Variants in LRCH2 observed in about 807,000 individuals in gnomAD.
LRCH2 encodes leucine-rich repeat and calponin homology domain-containing protein 2.
A neutral mutation model predicts 68.9 loss-of-function variants in LRCH2; 38 were observed. The observed-to-expected ratio is 0.55, with a 90% CI of 0.43 to 0.72. The LOEUF (loss-of-function observed/expected upper bound fraction) is 0.72. Ranked by LOEUF, LRCH2 falls within the 30% of genes least tolerant of loss-of-function variation. The pLI is 0.00. For missense variants in LRCH2, 528 were observed against 572.9 expected, an observed-to-expected ratio of 0.92 and a Z score of 0.80; for synonymous variants, 191 against 208.1, an observed-to-expected ratio of 0.92 and a Z score of 0.71.
chrX:115,165,623 T>C lies in LRCH2; in HGVS notation c.1231A>G (p.Thr411Ala). 8.6e-7 allele frequency: 1 copy of C among 1,167,737 alleles called. No homozygotes were observed. Among genetic ancestry groups the C allele is most frequent in the South Asian group, 1.9e-5 (1 of 52,205 alleles). Residue 411 changes from threonine to alanine, a missense_variant, in exon 9 of 21, where the codon ACA becomes GCA. Coordinates refer to ENST00000317135, the MANE Select transcript of LRCH2 (RefSeq NM_020871.4). ...QEVYDFVDPNTEDVAVPEQGN... is the reference protein window; with the variant it reads ...QEVYDFVDPNAEDVAVPEQGN... Reference sequence around the variant, plus strand: ...TGTTCAGGAACTGCTACATCTTCTGTGTTGGGGTCAACAAAATCATATACC... The same window carrying C: ...TGTTCAGGAACTGCTACATCTTCTGCGTTGGGGTCAACAAAATCATATACC...
chrX:115,197,755 TTCTC>T (rs782244834), intron 1 of LRCH2, among the ~76,000 whole-genome samples: 2 of 61,919 alleles, frequency 3.2e-5, no homozygotes, highest in African/African-American at 6.2e-5. Context: ...CTCTCTCTCT[TTCTC>T]TCTCTCTCTC....
At chrX:115,115,897 T>C (rs1575119) in intron 20 of LRCH2, among the ~76,000 whole-genome samples, 8,556 of 109,485 alleles carry the variant, frequency 0.078, 310 homozygotes, top group Non-Finnish European at 0.11. Context: ...AGGGTTTCAA[T>C]AGACATTACT....
intron 1 of LRCH2, among the ~76,000 whole-genome samples, chrX:115,196,445 G>A (rs2072888049): frequency 9.0e-6 from 1 of 111,074 alleles, no homozygotes; most frequent in Non-Finnish European, 1.9e-5. Context: ...GCCATTGGGA[G>A]GTGTTGAGTA....
At chrX:115,182,774 A>G (rs1053314309) in intron 3 of LRCH2, among the ~76,000 whole-genome samples, 1 of 100,804 alleles carries the variant, frequency 9.9e-6, no homozygotes, top group Non-Finnish European at 2.0e-5. Flanking sequence ...TGGAGGTTGC[A>G]GTGAGCCAAG....
intron 6 of LRCH2, among the ~76,000 whole-genome samples, chrX:115,168,676 T>C (rs906497450): frequency 9.9e-5 from 11 of 111,451 alleles, no homozygotes; most frequent in African/African-American, 3.3e-4. Flanking sequence ...TCTTTTCATC[T>C]GTATTGCAAT....
At chrX:115,142,332 G>C (rs1358034828) in intron 14 of LRCH2, among the ~76,000 whole-genome samples, 2 of 111,947 alleles carry the variant, frequency 1.8e-5, no homozygotes, top group Non-Finnish European at 3.8e-5. Context: ...GATATTTACT[G>C]AACATTTCAT....
intron 14 of LRCH2, among the ~76,000 whole-genome samples, chrX:115,135,078 CAGG>C (rs1284443828): frequency 9.1e-5 from 10 of 109,653 alleles, no homozygotes; most frequent in African/African-American, 2.7e-4. Flanking sequence ...GTGGAAACAG[CAGG>C]AGAACTAAAA....
chrX:115,181,934 A>G (rs1279424871), intron 3 of LRCH2, among the ~76,000 whole-genome samples: 26 of 111,939 alleles, frequency 2.3e-4, no homozygotes, highest in African/African-American at 7.5e-4. Flanking sequence ...TACTGAACAT[A>G]TATTAACTTT....
chrX:115,224,248 T>A (rs782601851), intron 1 of LRCH2, among the ~76,000 whole-genome samples: 16 of 111,761 alleles, frequency 1.4e-4, no homozygotes, highest in Admixed American at 8.6e-4. Context: ...AAGGGATTTA[T>A]TTGTACAGGA....
At chrX:115,200,001 G>A (rs1461062441) in intron 1 of LRCH2, among the ~76,000 whole-genome samples, 1 of 111,732 alleles carries the variant, frequency 8.9e-6, no homozygotes, top group Non-Finnish European at 1.9e-5. Flanking sequence ...CTTCAGAAAC[G>A]ATACAAACAC....
chrX:115,215,787 A>G (rs1340131831), intron 1 of LRCH2, among the ~76,000 whole-genome samples: 1 of 108,179 alleles, frequency 9.2e-6, no homozygotes, highest in Non-Finnish European at 1.9e-5. Flanking sequence ...AAAAAAAAAA[A>G]AAAACATAAT....
chrX:115,203,756 C>A (rs186651444), intron 1 of LRCH2, among the ~76,000 whole-genome samples: 289 of 112,733 alleles, frequency 2.6e-3, no homozygotes, highest in African/African-American at 8.5e-3. Context: ...ACCCTTGTGG[C>A]TCTTCAGGGT....
intron 1 of LRCH2, chrX:115,191,916 T>C (rs782552589): frequency 1.0e-4 from 119 of 1,133,444 alleles, no homozygotes; most frequent in Non-Finnish European, 1.3e-4. Context: ...GAGGTCACTC[T>C]CTCGATGCCA....
At chrX:115,182,726 G>A (rs978374153) in intron 3 of LRCH2, among the ~76,000 whole-genome samples, 7 of 107,350 alleles carry the variant, frequency 6.5e-5, no homozygotes, top group African/African-American at 2.0e-4. Context: ...CCAGCTACTC[G>A]GGAGGCTGAG....
At position 115,111,243 on chromosome X, in the gene LRCH2, A is replaced by G. The variant is rs1445590118; in HGVS notation, c.*1973T>C. On this transcript the variant is annotated 3_prime_UTR_variant, in exon 21 of 21. Coordinates refer to ENST00000317135, the MANE Select transcript of LRCH2 (RefSeq NM_020871.4). ...GAATGCTACAGTGAGGTTCTGCTGT[A>G]TTTTCTTTTTAAAGGAATAATTAAC... 1 of 110,974 alleles carries G rather than the reference A, an allele frequency of 9.0e-6. No individual in the cohort carries two copies. The highest frequency in any genetic ancestry group is 3.3e-5 in the African/African-American group (1 of 30,552). 9.1% of individuals were successfully genotyped at this position (110,974 alleles called of 1,213,427 possible). A position where few individuals can be genotyped will look rare whatever the true frequency, so the allele number is the denominator to read the frequency against.
At position 115,136,330 on chromosome X, in the gene LRCH2, T is replaced by C. The variant is rs782072363; in HGVS notation, c.1696-6131A>G. 3.6e-5 allele frequency among the ~76,000 whole-genome samples: 4 copies of C among 111,519 alleles called. No homozygotes were observed. In the South Asian group the frequency reaches 1.5e-3, roughly 42 times the overall value. ...CAAAATTCACAGATATTCAAGTCCC[T>C]TCCCTTACATAAAATGGCACAGTAT... On this transcript the variant is annotated intron_variant, in intron 14 of 20. Transcript: ENST00000317135.
At chrX:115,118,594 G>A (rs2072105620) in intron 20 of LRCH2, among the ~76,000 whole-genome samples, 1 of 110,470 alleles carries the variant, frequency 9.1e-6, no homozygotes, top group Non-Finnish European at 1.9e-5. Flanking sequence ...GAGGTACAAG[G>A]AGGAACTGGT....
chrX:115,201,662 C>G (rs1374959938), intron 1 of LRCH2, among the ~76,000 whole-genome samples: 1 of 111,378 alleles, frequency 9.0e-6, no homozygotes, highest in Non-Finnish European at 1.9e-5. Flanking sequence ...AAGTCCTAGC[C>G]AGAGCAATCG....
At chrX:115,194,458 T>G (rs1051382121) in intron 1 of LRCH2, among the ~76,000 whole-genome samples, 5 of 112,012 alleles carry the variant, frequency 4.5e-5, no homozygotes, top group Admixed American at 3.8e-4. Flanking sequence ...CCTCTTATTC[T>G]TGTAACTTCA....
Sources: allele counts gnomAD v4.1 joint callset (sites outside exome capture counted in the v4.1 genomes callset), GRCh38; gene constraint gnomAD v4.1.1; transcripts MANE v1.5; gene names NCBI Gene and HGNC (gene_info 2026-07-23, HGNC 2026-07-21).